Variants in RAB38 observed in about 807,000 individuals in gnomAD.
RAB38 encodes the protein RAB38, member RAS oncogene family.
RAB38 carries 15 observed loss-of-function variants against 18.4 expected under a neutral mutation model. The ratio of observed to expected loss-of-function variants is 0.82; its 90% CI spans 0.55 to 1.26. RAB38 has a LOEUF of 1.26. RAB38 is among the 50% of genes most tolerant of loss of function. RAB38 has a pLI of 0.00. For synonymous variants in RAB38, 101 were observed against 104.4 expected, an observed-to-expected ratio of 0.97 and a Z score of 0.20; for missense variants, 294 against 267.4, an observed-to-expected ratio of 1.10 and a Z score of -0.69.
the RAB38 span, among the ~76,000 whole-genome samples, chr11:88,071,173 C>A: frequency 7.2e-5 from 11 of 151,904 alleles, no homozygotes; most frequent in African/African-American, 2.7e-4. Context: ...GTGGGACGAG[C>A]AGGATACCTT....
chr11:88,086,386 T>C, the RAB38 span, among the ~76,000 whole-genome samples: 1 of 151,912 alleles, frequency 6.6e-6, no homozygotes, highest in African/African-American at 2.4e-5. Flanking sequence ...CCACATATTC[T>C]CCTTGGACAA....
the RAB38 span, among the ~76,000 whole-genome samples, chr11:87,831,277 C>T: frequency 6.6e-6 from 1 of 152,068 alleles, no homozygotes; most frequent in Non-Finnish European, 1.5e-5. Flanking sequence ...ACACACCGTA[C>T]CCCAAAACCC....
the RAB38 span, among the ~76,000 whole-genome samples, chr11:87,905,261 C>T: frequency 6.6e-6 from 1 of 151,572 alleles, no homozygotes; most frequent in African/African-American, 2.4e-5. Flanking sequence ...CTTTTCCCTC[C>T]TTATGTTCAT....
chr11:88,083,231 CTT>C, the RAB38 span, among the ~76,000 whole-genome samples: 4 of 151,786 alleles, frequency 2.6e-5, no homozygotes, highest in Non-Finnish European at 5.9e-5. Context: ...TCTCTTTATA[CTT>C]TTTCCCAACT....
chr11:87,948,703 G>T, the RAB38 span, among the ~76,000 whole-genome samples: 9 of 144,700 alleles, frequency 6.2e-5, no homozygotes, highest in Non-Finnish European at 9.0e-5. Context: ...TTATTGATTT[G>T]CGTATATTGA....
the RAB38 span, among the ~76,000 whole-genome samples, chr11:87,941,474 C>G: frequency 2.0e-5 from 3 of 151,636 alleles, no homozygotes; most frequent in Non-Finnish European, 4.4e-5. Context: ...CCTGAGGTAA[C>G]ATGAAATAAG....
the RAB38 span, among the ~76,000 whole-genome samples, chr11:87,951,705 A>G: frequency 6.6e-5 from 10 of 152,144 alleles, no homozygotes; most frequent in African/African-American, 2.4e-4. Context: ...GAGGCTGCAG[A>G]ACAGCGGATA....
At chr11:87,929,829 C>A in the RAB38 span, among the ~76,000 whole-genome samples, 12 of 149,774 alleles carry the variant, frequency 8.0e-5, no homozygotes, top group East Asian at 1.6e-3. Flanking sequence ...ATTTTTTGTC[C>A]TTGCGATAGT....
the RAB38 span, among the ~76,000 whole-genome samples, chr11:87,976,589 T>C: frequency 1.8e-5 from 2 of 109,540 alleles, no homozygotes; most frequent in African/African-American, 7.2e-5. Context: ...ATATATTTTA[T>C]ATACTGTCTA....
At chr11:87,967,619 G>C in the RAB38 span, among the ~76,000 whole-genome samples, 8 of 152,246 alleles carry the variant, frequency 5.3e-5, no homozygotes, top group South Asian at 1.7e-3. Context: ...GAGGGGTGAG[G>C]AATGCCTCTT....
chr11:88,127,061 AG>A (rs1170493557), intron 2 of RAB38, among the ~76,000 whole-genome samples: 2 of 152,224 alleles, frequency 1.3e-5, no homozygotes, highest in African/African-American at 4.8e-5. Flanking sequence ...ATGATATGGG[AG>A]AAAAGCCATC....
the RAB38 span, among the ~76,000 whole-genome samples, chr11:87,873,837 C>G: frequency 6.9e-6 from 1 of 145,388 alleles, no homozygotes. Context: ...ACTTTTCTTT[C>G]TTATTGATTT....
chr11:87,945,647 G>A, the RAB38 span, among the ~76,000 whole-genome samples: 2 of 152,118 alleles, frequency 1.3e-5, no homozygotes, highest in African/African-American at 2.4e-5. Flanking sequence ...ATAAAAATAG[G>A]ATGTCAGAGC....
rs76323333 is a variant in RAB38, at chr11:88,118,297, C to G, written c.484-4157G>C. 2.0e-3 allele frequency among the ~76,000 whole-genome samples: 304 copies of G among 152,310 alleles called. 1 individual carries two copies. The highest frequency in any genetic ancestry group is 6.9e-3 in the African/African-American group (288 of 41,554). The stretch of plus-strand genomic sequence containing the variant: ...TCTGGTCTTTCTGACTTTCTATATA[C>G]CAATCAGGTCATGGCCAAAGGGCCT... On this transcript the variant is annotated intron_variant, in intron 2 of 2. Coordinates refer to ENST00000243662, the MANE Select transcript of RAB38 (RefSeq NM_022337.3).
At chr11:88,038,394 T>C in the RAB38 span, among the ~76,000 whole-genome samples, 1 of 152,200 alleles carries the variant, frequency 6.6e-6, no homozygotes, top group Non-Finnish European at 1.5e-5. Context: ...GGGAGGTAGA[T>C]GGTATATTTT....
At chr11:88,044,310 C>T in the RAB38 span, among the ~76,000 whole-genome samples, 1 of 152,118 alleles carries the variant, frequency 6.6e-6, no homozygotes. Context: ...CTCTCCGTGT[C>T]TCTACCCCTT....
intron 2 of RAB38, among the ~76,000 whole-genome samples, chr11:88,117,136 T>C (rs1273871925): frequency 6.6e-6 from 1 of 152,196 alleles, no homozygotes; most frequent in African/African-American, 2.4e-5. Flanking sequence ...AGCCAAGGAA[T>C]GACTGCTTAT....
the RAB38 span, among the ~76,000 whole-genome samples, chr11:88,058,614 G>GAGGTATTGAAATAATTTCA: frequency 2.0e-5 from 3 of 152,194 alleles, no homozygotes; most frequent in African/African-American, 7.2e-5. Flanking sequence ...ACATTAGCAA[G>GAGGTATTGAAATAATTTCA]AGGTATTGAA....
chr11:87,888,791 A>C, the RAB38 span, among the ~76,000 whole-genome samples: 3 of 151,904 alleles, frequency 2.0e-5, no homozygotes, highest in Admixed American at 2.0e-4. Flanking sequence ...TATTAGAGCC[A>C]ATTTCTCACA....
Sources: gnomAD v4.1 joint callset for allele counts (sites outside exome capture counted in the v4.1 genomes callset) on GRCh38, gnomAD v4.1.1 for gene constraint, MANE v1.5 for transcripts, NCBI Gene and HGNC (gene_info 2026-07-23, HGNC 2026-07-21) for gene names.